The following MMP26 variants were observed in gnomAD, a reference collection of about 807,000 sequenced individuals.
MMP26 encodes the protein matrix metallopeptidase 26, also known as matrix metalloproteinase-26.
Under a neutral mutation model 31.0 loss-of-function variants are expected in MMP26, and 33 were observed. The observed-to-expected ratio is 1.06, with a 90% CI of 0.81 to 1.42. MMP26 has a LOEUF of 1.42. MMP26 is among the 40% of genes most tolerant of loss of function. The pLI is 0.00. For synonymous variants in MMP26, 122 were observed against 114.9 expected, an observed-to-expected ratio of 1.06 and a Z score of -0.40; for missense variants, 347 against 316.1, an observed-to-expected ratio of 1.10 and a Z score of -0.74.
chr11:4,924,144 C>A (rs895648965), intron 2 of MMP26: 24 of 1,613,912 alleles, frequency 1.5e-5, no homozygotes, highest in Non-Finnish European at 2.0e-5. Context: ...GCTAGCATGC[C>A]CAAGAAATAG....
chr11:4,829,772 A>ATTGTGATGAC, intron 2 of MMP26, among the ~76,000 whole-genome samples: 1 of 152,228 alleles, frequency 6.6e-6, no homozygotes, highest in Admixed American at 6.5e-5. Context: ...CAAACAGAAC[A>ATTGTGATGAC]CATTTGTGGG....
chr11:4,984,035 C>A (rs543626691), intron 2 of MMP26, among the ~76,000 whole-genome samples: 12 of 152,142 alleles, frequency 7.9e-5, no homozygotes, highest in Non-Finnish European at 1.5e-4. Flanking sequence ...CAGCAGTCAG[C>A]ACTCATGTAT....
In MMP26 at chr11:4,769,720, G is replaced by A. The variant is rs775587565; in HGVS notation, c.-145+2379G>A. On this transcript the variant is annotated intron_variant, in intron 2 of 7. Transcript: ENST00000380390. Reference sequence around the variant, plus strand: ...AGCCCAGATCAGTGGCTGATAGCCTGAAGAGGAAATAATACATGGGTTCAT... The same window carrying A: ...AGCCCAGATCAGTGGCTGATAGCCTAAAGAGGAAATAATACATGGGTTCAT... The A allele has an allele frequency of 1.1e-5, 17 of 1,613,196 alleles. No homozygotes were observed. The South Asian group carries it at 1.8e-4, about 17-fold the overall frequency.
At position 4,991,430 on chromosome 11, in the gene MMP26, C is replaced by T. The variant is rs749894461; in HGVS notation, c.529C>T (p.Pro177Ser). 5 of 1,613,882 alleles carry T rather than the reference C, an allele frequency of 3.1e-6. No homozygotes were observed. In the African/African-American group the frequency reaches 5.3e-5, roughly 17 times the overall value. ...TGGTATCTTAGGCCATGCCTTTTTACCAAATTCTGGAAATCCTGGAGTTGT... is the reference window on the plus strand; with the variant it reads ...TGGTATCTTAGGCCATGCCTTTTTATCAAATTCTGGAAATCCTGGAGTTGT... ...PGGILGHAFL[P>S]NSGNPGVVHF... Residue 177 changes from proline to serine, a missense_variant, in exon 6 of 8, where the codon CCA becomes TCA. Physicochemically the swap from Pro to Ser is moderately conservative, Grantham distance 74. Transcript: ENST00000380390.
chr11:4,917,484 A>C (rs1301840042), intron 2 of MMP26, among the ~76,000 whole-genome samples: 1 of 152,192 alleles, frequency 6.6e-6, no homozygotes, highest in Non-Finnish European at 1.5e-5. Context: ...TGAATAAATA[A>C]ATAAACTGAT....
intron 2 of MMP26, chr11:4,860,003 G>C (rs149925634): frequency 4.2e-6 from 2 of 470,950 alleles, no homozygotes; most frequent in African/African-American, 4.0e-5. Flanking sequence ...CAAGCTAGCC[G>C]CATCATGTTT....
At chr11:4,837,211 C>T (rs944195206) in intron 2 of MMP26, among the ~76,000 whole-genome samples, 1 of 152,020 alleles carries the variant, frequency 6.6e-6, no homozygotes, top group African/African-American at 2.4e-5. Flanking sequence ...ACCAACCTAA[C>T]ATTTATTTAT....
At chr11:4,761,123 A>G (rs1198877887) in intron 1 of MMP26, among the ~76,000 whole-genome samples, 1 of 152,146 alleles carries the variant, frequency 6.6e-6, no homozygotes, top group Non-Finnish European at 1.5e-5. Flanking sequence ...TTACCTTTCA[A>G]GGTGTGGAGA....
intron 2 of MMP26, among the ~76,000 whole-genome samples, chr11:4,779,450 T>C (rs552711122): frequency 6.6e-6 from 1 of 152,212 alleles, no homozygotes; most frequent in South Asian, 2.1e-4. Flanking sequence ...TTTTAATTTT[T>C]CTTGTTTTGT....
At chr11:4,887,120 A>G (rs116761315) in intron 2 of MMP26, among the ~76,000 whole-genome samples, 2,360 of 152,072 alleles carry the variant, frequency 0.016, 71 homozygotes, top group African/African-American at 0.055. Flanking sequence ...TATGATATAT[A>G]TTAGTGTGAT....
intron 2 of MMP26, chr11:4,859,992 A>G: frequency 2.1e-6 from 1 of 471,174 alleles, no homozygotes; most frequent in Non-Finnish European, 4.4e-6. Context: ...GGGTGCTGGC[A>G]CAAGCTAGCC....
At chr11:4,914,649 G>T in intron 2 of MMP26, 1 of 1,017,016 alleles carries the variant, frequency 9.8e-7, no homozygotes, top group Non-Finnish European at 1.5e-6. Context: ...TTTTATGCAT[G>T]TTAGAAATTA....
intron 2 of MMP26, chr11:4,848,712 G>A: frequency 6.2e-7 from 1 of 1,614,070 alleles, no homozygotes; most frequent in Non-Finnish European, 8.5e-7. Context: ...GAATGGCAGG[G>A]GCAGATGGAG....
intron 2 of MMP26, among the ~76,000 whole-genome samples, chr11:4,856,874 C>T (rs1850061531): frequency 6.6e-6 from 1 of 152,180 alleles, no homozygotes; most frequent in African/African-American, 2.4e-5. Context: ...CAAACTGTCC[C>T]TCAGACCACA....
intron 2 of MMP26, among the ~76,000 whole-genome samples, chr11:4,855,301 G>A (rs1850034349): frequency 6.6e-6 from 1 of 152,102 alleles, no homozygotes; most frequent in South Asian, 2.1e-4. Context: ...TGAACCCATT[G>A]CAAAGAAGCT....
chr11:4,868,033 A>C (rs1322413852), intron 2 of MMP26, among the ~76,000 whole-genome samples: 1 of 152,204 alleles, frequency 6.6e-6, no homozygotes, highest in African/African-American at 2.4e-5. Context: ...AAAATGTGGT[A>C]TAGATATACC....
chr11:4,959,471 A>G (rs1820493795), intron 2 of MMP26, among the ~76,000 whole-genome samples: 1 of 152,144 alleles, frequency 6.6e-6, no homozygotes, highest in African/African-American at 2.4e-5. Flanking sequence ...CTTGATTGAA[A>G]CACAATCCCT....
In MMP26 at chr11:4,885,050, C is replaced by T. The variant is rs148793955; in HGVS notation, c.-144-103018C>T. ...GTCTGCTGTGTGTATTAATCTTCTA[C>T]TACTCAAAAATGTAGTTTTTATACC... On this transcript the variant is annotated intron_variant, in intron 2 of 7. Coordinates refer to ENST00000380390, the MANE Select transcript of MMP26 (RefSeq NM_021801.5). Among the ~76,000 whole-genome samples the T allele has an allele frequency of 7.3e-3, 1,112 of 152,166 alleles. 10 individuals are homozygous for T. Among genetic ancestry groups the T allele is most frequent in the African/African-American group, 0.025 (1,059 of 41,530 alleles).
chr11:4,831,847 T>G (rs963582457), intron 2 of MMP26, among the ~76,000 whole-genome samples: 1 of 152,206 alleles, frequency 6.6e-6, no homozygotes, highest in Non-Finnish European at 1.5e-5. Flanking sequence ...TCAAAGCACC[T>G]TCTTTCTAGC....
Sources: allele counts gnomAD v4.1 joint callset (sites outside exome capture counted in the v4.1 genomes callset), GRCh38; gene constraint gnomAD v4.1.1; transcripts MANE v1.5; gene names NCBI Gene and HGNC (gene_info 2026-07-23, HGNC 2026-07-21).